Variants in DOCK10 observed in about 807,000 individuals in gnomAD.
DOCK10 encodes dedicator of cytokinesis 10.
A neutral mutation model predicts 280.1 loss-of-function variants in DOCK10; 145 were observed. The ratio of observed to expected loss-of-function variants is 0.52; its 90% confidence interval spans 0.45 to 0.59. DOCK10 has a LOEUF of 0.59. DOCK10 is among the 20% of genes least tolerant of loss of function. The pLI, the probability that DOCK10 is intolerant of heterozygous loss-of-function variation, is 0.00. For missense variants in DOCK10, 2,368 were observed against 2,651.7 expected (o/e 0.89, Z 2.35); for synonymous variants, 915 against 942.2 (o/e 0.97, Z 0.53).
intron 11 of DOCK10, among the ~76,000 whole-genome samples, 170 bp downstream of exon 11, chr2:224,873,826 T>C (rs970378024): frequency 5.9e-5 from 9 of 152,302 alleles, no homozygotes; most frequent in Non-Finnish European, 1.2e-4. Context: ...AGTGTTCCAC[T>C]TTAGAACTTG....
At chr2:224,961,248 C>T (rs1473969884) in intron 1 of DOCK10, among the ~76,000 whole-genome samples, 1 of 152,186 alleles carries the variant, frequency 6.6e-6, no homozygotes, top group Non-Finnish European at 1.5e-5. Flanking sequence ...ACAATGGCAA[C>T]TAAACTTGAG....
intron 55 of DOCK10, among the ~76,000 whole-genome samples, chr2:224,767,835 C>A (rs894436702): frequency 1.3e-5 from 2 of 152,158 alleles, no homozygotes; most frequent in African/African-American, 4.8e-5. Flanking sequence ...GCAGCCAAAT[C>A]TGGGTTTGCT....
In DOCK10 at chr2:224,800,135, T is replaced by G. The variant is rs746037877; in HGVS notation, c.4506+16A>C. 3 of 1,468,222 alleles carry G rather than the reference T, an allele frequency of 2.0e-6. No individual in the cohort carries two copies. The South Asian group carries it at 3.8e-5, about 18-fold the overall frequency. 90.9% of individuals were successfully genotyped at this position (1,468,222 alleles called of 1,614,324 possible). A position where few individuals can be genotyped will look rare whatever the true frequency, so the allele number is the denominator to read the frequency against. ...ATTTCATCATTTTTTGCAGAAAATG[T>G]TATCATCATATTCACCTGATGAGTC... On this transcript the variant is annotated intron_variant, in intron 41 of 55. Transcript: ENST00000258390.
intron 31 of DOCK10, 70 bp from the exon 32 acceptor site, chr2:224,808,156 A>G: frequency 4.4e-6 from 6 of 1,375,410 alleles, no homozygotes; most frequent in Non-Finnish European, 6.0e-6. Flanking sequence ...AGACAGATAT[A>G]CCAAACAACT....
At chr2:224,797,734 C>T in intron 42 of DOCK10, 98 bp downstream of exon 42, 7 of 1,357,802 alleles carry the variant, frequency 5.2e-6, no homozygotes, top group Non-Finnish European at 6.0e-6. Context: ...AATCCTTCTT[C>T]CCTCCCTACT....
chr2:224,954,913 GAC>G, intron 1 of DOCK10, among the ~76,000 whole-genome samples: 1 of 152,286 alleles, frequency 6.6e-6, no homozygotes, highest in Admixed American at 6.5e-5. Context: ...ATCAGGTGAA[GAC>G]ACACAAATAC....
At chr2:224,980,959 A>G (rs1432691107) in intron 1 of DOCK10, among the ~76,000 whole-genome samples, 1 of 151,818 alleles carries the variant, frequency 6.6e-6, no homozygotes, top group East Asian at 1.9e-4. Context: ...TTTTTTTGCA[A>G]ATTTCTAGCT....
intron 26 of DOCK10, among the ~76,000 whole-genome samples, chr2:224,832,080 A>G (rs938625445): frequency 1.3e-5 from 2 of 152,182 alleles, no homozygotes; most frequent in South Asian, 4.1e-4. Context: ...CATATTGTAT[A>G]TGTATAGTTT....
intron 1 of DOCK10, among the ~76,000 whole-genome samples, chr2:224,994,141 A>C (rs960199945): frequency 2.6e-5 from 4 of 152,226 alleles, no homozygotes; most frequent in African/African-American, 9.6e-5. Flanking sequence ...GTAGCCTATC[A>C]ACTTATGCTG....
intron 29 of DOCK10, among the ~76,000 whole-genome samples, chr2:224,817,021 CATTT>C (rs2125298935): frequency 6.6e-6 from 1 of 152,260 alleles, no homozygotes; most frequent in East Asian, 1.9e-4. Flanking sequence ...AATCATGACA[CATTT>C]ATTCTGAAAA....
intron 1 of DOCK10, among the ~76,000 whole-genome samples, chr2:224,971,188 G>C (rs1191588137): frequency 6.6e-6 from 1 of 152,156 alleles, no homozygotes; most frequent in African/African-American, 2.4e-5. Context: ...TACCATTTGA[G>C]CAGAATAATG....
chr2:224,946,942 GA>G, intron 1 of DOCK10: 1 of 1,541,674 alleles, frequency 6.5e-7, no homozygotes. Flanking sequence ...ACCTTCCCTC[GA>G]AAACTCATCG....
chr2:224,804,003 T>G, intron 39 of DOCK10, 109 bp downstream of exon 39: 3 of 296,792 alleles, frequency 1.0e-5, no homozygotes, highest in Non-Finnish European at 1.7e-5. Flanking sequence ...TAGAAATATG[T>G]GTGTGTGTGT....
intron 27 of DOCK10, among the ~76,000 whole-genome samples, chr2:224,824,459 CA>C (rs532112079): frequency 0.011 from 860 of 79,930 alleles, 6 homozygotes; most frequent in Non-Finnish European, 0.015. Context: ...TTTTTGGAGA[CA>C]GGGTCTTTCT....
At chr2:224,916,637 G>C in intron 3 of DOCK10, 58 bp downstream of exon 3, 1 of 1,189,482 alleles carries the variant, frequency 8.4e-7, no homozygotes, top group Non-Finnish European at 1.2e-6. Flanking sequence ...ATTGCATTGA[G>C]AATCCCCTGG....
Position 224,814,338 on chromosome 2 carries a change from G to T in DOCK10, c.3391C>A (p.Gln1131Lys). The change falls in exon 31 of 56, where the codon CAA (glutamine) becomes AAA (lysine). Residue 1131 changes from glutamine (Q) to lysine (K), a missense_variant. Around this residue, in one of 2 missense-constraint regions of DOCK10, gnomAD observed 1,159 missense variants for 1,400.8 expected, o/e 0.83. Transcript: ENST00000258390. Reference sequence around the variant, plus strand: ...CACTTACCTGATGCATGTAACTCTTGAGTCGATTCTGAAGGTGTCAAAGGA... The same window carrying T: ...CACTTACCTGATGCATGTAACTCTTTAGTCGATTCTGAAGGTGTCAAAGGA... Reference protein sequence around the residue: ...PDPLTPSESTQELHASDMPEY... With the variant: ...PDPLTPSESTKELHASDMPEY... 2 of 1,534,826 alleles carry T rather than the reference G, an allele frequency of 1.3e-6. No homozygotes were observed. The highest frequency in any genetic ancestry group is 1.8e-6 in the Non-Finnish European group (2 of 1,140,196).
At chr2:224,780,950 C>T (rs977792422) in intron 50 of DOCK10, among the ~76,000 whole-genome samples, 8 of 151,758 alleles carry the variant, frequency 5.3e-5, no homozygotes, top group Non-Finnish European at 1.2e-4. Context: ...GACTTTCTTT[C>T]ATCCCTCCTC....
At chr2:225,029,724 C>T (rs1350041952) in intron 1 of DOCK10, among the ~76,000 whole-genome samples, 1 of 152,100 alleles carries the variant, frequency 6.6e-6, no homozygotes, top group Non-Finnish European at 1.5e-5. Context: ...GAGACAAATG[C>T]TTCAAATAAA....
chr2:224,932,811 C>T (rs1702470162), intron 1 of DOCK10, among the ~76,000 whole-genome samples: 1 of 152,158 alleles, frequency 6.6e-6, no homozygotes, highest in Non-Finnish European at 1.5e-5. Flanking sequence ...AAGATCTCTT[C>T]TGATAAGGCC....
Sources: allele counts gnomAD v4.1 joint callset (sites outside exome capture counted in the v4.1 genomes callset), GRCh38; gene constraint gnomAD v4.1.1; regional missense constraint gnomAD v4.1.1; transcripts MANE v1.5; gene names NCBI Gene and HGNC (gene_info 2026-07-23, HGNC 2026-07-21).